Variants in THG1L observed in about 807,000 individuals in gnomAD.
The protein encoded by THG1L is probable tRNA(His) guanylyltransferase.
In THG1L, 27 loss-of-function variants were observed where a neutral mutation model predicts 35.2. That is an observed-to-expected ratio of 0.77 (90% CI 0.57 to 1.06). The LOEUF is 1.06. Ranked by LOEUF, THG1L falls within the 50% of genes least tolerant of loss-of-function variation. The pLI is 0.00. For synonymous variants in THG1L, 135 were observed against 132.4 expected, an observed-to-expected ratio of 1.02 and a Z score of -0.14; for missense variants, 377 against 371.8, an observed-to-expected ratio of 1.01 and a Z score of -0.12.
chr5:157,731,719 A>T (rs1455137125), intron 1 of THG1L, 88 bp downstream of exon 1: 5 of 1,483,952 alleles, frequency 3.4e-6, no homozygotes, highest in Non-Finnish European at 3.6e-6. Context: ...CGCCCGCTCC[A>T]GTCACGGTTA....
At chr5:157,735,681 C>T (rs191632878) in intron 3 of THG1L, among the ~76,000 whole-genome samples, 165 bp from the exon 4 acceptor site, 1 of 152,322 alleles carries the variant, frequency 6.6e-6, no homozygotes, top group African/African-American at 2.4e-5. Context: ...CCTACTGCTC[C>T]TTCCCTCCAT....
Position 157,734,741 on chromosome 5 carries a change from A to G in THG1L, c.534A>G (p.Ala178=). The change falls in exon 3 of 6, where the codon GCA becomes GCG. Residue 178 remains alanine, a synonymous_variant. Coordinates refer to ENST00000231198, the MANE Select transcript of THG1L (RefSeq NM_017872.5). ...AGGACTACCTCAGCTGGCGACAAGC[A>G]GATTGTGAGTGGCACCAAATAAACA... ...TLKDYLSWRQ[A]DCHINNLYNT... The G allele has an allele frequency of 1.2e-6, 2 of 1,614,172 alleles. No homozygotes were observed. Among genetic ancestry groups the G allele is most frequent in the Admixed American group, 1.7e-5 (1 of 60,022 alleles).
chr5:157,734,478 G>A (rs1760814754), intron 2 of THG1L, 98 bp from the exon 3 acceptor site: 4 of 1,408,244 alleles, frequency 2.8e-6, no homozygotes, highest in Non-Finnish European at 3.9e-6. Context: ...GGCAGTTTGT[G>A]TACTCTCTGT....
chr5:157,737,745 A>T, intron 4 of THG1L, 142 bp from the exon 5 acceptor site: 1 of 617,476 alleles, frequency 1.6e-6, no homozygotes, highest in African/African-American at 1.9e-5. Context: ...TTAAGATGAA[A>T]ATTTACTAAT....
chr5:157,737,935 A>G lies in THG1L; in HGVS notation c.676A>G (p.Ile226Val), dbSNP rs746408702. 1 of 1,613,512 alleles carries G rather than the reference A, an allele frequency of 6.2e-7. No individual in the cohort carries two copies. The highest frequency in any genetic ancestry group is 8.5e-7 in the Non-Finnish European group (1 of 1,179,752). The change falls in exon 5 of 6, where the codon ATC becomes GTC. Residue 226 changes from isoleucine to valine, a missense_variant. Coordinates refer to ENST00000231198, the MANE Select transcript of THG1L (RefSeq NM_017872.5). ...TGAGATTTTGTTTTCTGAATTCAAC[A>G]TCAACTATAATAATGAGCTGCCGAT... Reference protein sequence around the residue: ...KNEILFSEFNINYNNELPMYR... With the variant: ...KNEILFSEFNVNYNNELPMYR...
chr5:157,735,037 A>G (rs1222827226), intron 3 of THG1L, among the ~76,000 whole-genome samples: 1 of 151,134 alleles, frequency 6.6e-6, no homozygotes, highest in African/African-American at 2.4e-5. Flanking sequence ...TCCTGGGTTC[A>G]TGGGATTCTT....
At position 157,735,868 on chromosome 5, in the gene THG1L, T is replaced by C. The variant is rs369299694; in HGVS notation, c.561T>C (p.Asn187=). ...CAGGTCACATCAATAATCTTTATAATACAGTTTTCTGGGCACTTATACAAC... is the reference window on the plus strand; with the variant it reads ...CAGGTCACATCAATAATCTTTATAACACAGTTTTCTGGGCACTTATACAAC... ...QADCHINNLY[N]TVFWALIQQS... is the part of the protein sequence containing the mutation. Residue 187 remains asparagine, a synonymous_variant, in exon 4 of 6, where the codon AAT becomes AAC. Coordinates refer to ENST00000231198, the MANE Select transcript of THG1L (RefSeq NM_017872.5). 5.7e-5 allele frequency: 92 copies of C among 1,605,134 alleles called. No individual in the cohort carries two copies. The highest frequency in any genetic ancestry group is 7.4e-5 in the Non-Finnish European group (87 of 1,176,672).
Position 157,739,503 on chromosome 5 carries a change from G to A in THG1L, c.*21G>A, listed in dbSNP as rs1357737611. ...GCTGACCCTTTTGCGCTTCAGTTCT[G>A]GTGTGCTTAACCATGCAAGCCCTCC... On this transcript the variant is annotated 3_prime_UTR_variant, in exon 6 of 6. Coordinates refer to ENST00000231198, the MANE Select transcript of THG1L (RefSeq NM_017872.5). The A allele has an allele frequency of 1.2e-6, 2 of 1,605,686 alleles. No individual in the cohort carries two copies. Among genetic ancestry groups the A allele is most frequent in the South Asian group, 2.2e-5 (2 of 89,518 alleles).
rs1349964574 is a variant in THG1L, at chr5:157,735,902, C to G, written c.595C>G (p.Leu199Val). ...CTGGGCACTTATACAACAATCTGGA[C>G]TAACACCAGTACAAGCCCAAGGGAG... ...VFWALIQQSG[L>V]TPVQAQGRLQ... The change falls in exon 4 of 6, where the codon CTA becomes GTA. Residue 199 changes from leucine to valine, a missense_variant. Physicochemically the swap from Leu to Val is conservative, Grantham distance 32 (BLOSUM62 1). Transcript: ENST00000231198. 6.2e-7 allele frequency: 1 copy of G among 1,608,034 alleles called. No individual in the cohort carries two copies. Among genetic ancestry groups the G allele is most frequent in the Admixed American group, 1.7e-5 (1 of 58,488 alleles).
chr5:157,732,156 C>G (rs1581436892), intron 1 of THG1L, among the ~76,000 whole-genome samples: 1 of 122,796 alleles, frequency 8.1e-6, no homozygotes, highest in Non-Finnish European at 1.6e-5. Flanking sequence ...AGTTGGAGAC[C>G]AAGTTTTTGT....
In THG1L at chr5:157,734,886, A is replaced by G. The variant is rs537821279; in HGVS notation, c.538+141A>G. Reference sequence around the variant, plus strand: ...AATGCAGTATTTAAATATTTTTTCAATTAGTTAAAAGTATTTGAAAAATTA... The same window carrying G: ...AATGCAGTATTTAAATATTTTTTCAGTTAGTTAAAAGTATTTGAAAAATTA... On this transcript the variant is annotated intron_variant, in intron 3 of 5. Transcript: ENST00000231198. 9.9e-5 allele frequency: 93 copies of G among 943,892 alleles called. 1 individual carries two copies. The South Asian group carries it at 2.0e-3, about 21-fold the overall frequency. 58.5% of individuals were successfully genotyped at this position (943,892 alleles called of 1,614,324 possible).
chr5:157,732,951 A>T lies in THG1L; in HGVS notation c.275A>T (p.Glu92Val), dbSNP rs1349740875. 1.2e-6 allele frequency: 2 copies of T among 1,614,122 alleles called. No homozygotes were observed. Among genetic ancestry groups the T allele is most frequent in the Non-Finnish European group, 1.7e-6 (2 of 1,180,054 alleles). ...ACCAAATGTGCGCAGACTGTGATGG[A>T]AGAACTAGAGGATATTGTGATCGCG... is the stretch of plus-strand genomic sequence containing the variant. ...LMTKCAQTVM[E>V]ELEDIVIAYG... Residue 92 changes from glutamate to valine, a missense_variant, in exon 2 of 6, where the codon GAA becomes GTA. Coordinates refer to ENST00000231198, the MANE Select transcript of THG1L (RefSeq NM_017872.5).
chr5:157,735,821 C>T lies in THG1L; in HGVS notation c.539-25C>T, dbSNP rs781627342. 2.7e-6 allele frequency: 4 copies of T among 1,456,170 alleles called. No homozygotes were observed. In the South Asian group the frequency reaches 3.6e-5, roughly 13 times the overall value. The allele number at this position is 1,456,170 out of a possible 1,614,324, so 90.2% of individuals were successfully genotyped here. ...TCAATAAAGATTTTATGTATATAAA[C>T]ATTACTATTTTGTTCTCCTCACAGG... On this transcript the variant is annotated intron_variant, in intron 3 of 5. Transcript: ENST00000231198.
rs142163395 is a variant in THG1L at position 157,731,548 on chromosome 5, G to C, written c.108G>C (p.Glu36Asp). Residue 36 changes from glutamate (E) to aspartate (D), a missense_variant, in exon 1 of 6, where the codon GAG (glutamate) becomes GAC (aspartate). Physicochemically the swap from Glu to Asp is conservative, Grantham distance 45. Coordinates refer to ENST00000231198, the MANE Select transcript of THG1L (RefSeq NM_017872.5). ...CGACCATGGCAAAAAGCAAGTTCGA[G>C]TACGTGAGGGACTTCGAGGCTGACG... ...LGATMAKSKF[E>D]YVRDFEADDT... is the part of the protein sequence containing the mutation. The C allele has an allele frequency of 1.9e-5, 30 of 1,612,658 alleles. No homozygotes were observed. In the African/African-American group the frequency reaches 3.2e-4, roughly 17 times the overall value.
chr5:157,735,717 G>A, intron 3 of THG1L, 129 bp from the exon 4 acceptor site: 1 of 635,598 alleles, frequency 1.6e-6, no homozygotes, highest in Non-Finnish European at 2.6e-6. Context: ...CTTCGGTCAA[G>A]TCACTGAATG....
Position 157,731,607 on chromosome 5 carries a change from G to T in THG1L, c.167G>T (p.Arg56Leu). ...TCLAHCWVVV[R>L]LDGRNFHRFA... ...CTGGCACACTGCTGGGTGGTAGTGC[G>T]GCTGGACGGCCGGAATTTCCATCGG... The change falls in exon 1 of 6, where the codon CGG (arginine) becomes CTG (leucine). Residue 56 changes from arginine (R) to leucine (L), a missense_variant. Arg to Leu is a moderately radical substitution (Grantham distance 102). Coordinates refer to ENST00000231198, the MANE Select transcript of THG1L (RefSeq NM_017872.5). 6.3e-7 allele frequency: 1 copy of T among 1,597,440 alleles called. No homozygotes were observed. The highest frequency in any genetic ancestry group is 8.5e-7 in the Non-Finnish European group (1 of 1,170,730).
rs1036065632 is a variant in THG1L, at chr5:157,741,403, T to A, written c.*1921T>A. 1.3e-5 allele frequency: 2 copies of A among 152,188 alleles called. No homozygotes were observed. Among genetic ancestry groups the A allele is most frequent in the African/African-American group, 4.8e-5 (2 of 41,438 alleles). 9.4% of individuals were successfully genotyped at this position (152,188 alleles called of 1,614,324 possible). A position where few individuals can be genotyped will look rare whatever the true frequency, so the allele number is the denominator to read the frequency against. On this transcript the variant is annotated 3_prime_UTR_variant, in exon 6 of 6. Transcript: ENST00000231198. The stretch of plus-strand genomic sequence containing the variant: ...AGGAGATACGGTTCTTGTTTGGTAA[T>A]TGCTAAAATCTCTTTGAGGAAAGAA...
At chr5:157,736,646 T>G (rs923704806) in intron 4 of THG1L, among the ~76,000 whole-genome samples, 2 of 152,248 alleles carry the variant, frequency 1.3e-5, no homozygotes, top group African/African-American at 4.8e-5. Context: ...GTTTATGACC[T>G]CTGTGTATAG....
rs1460990791 is a variant in THG1L at position 157,739,620 on chromosome 5, CAG to C, written c.*139_*140del. The C allele has an allele frequency of 6.7e-6, 7 of 1,044,028 alleles. No homozygotes were observed. The highest frequency in any genetic ancestry group is 9.5e-6 in the Non-Finnish European group (7 of 738,354). 64.7% of individuals were successfully genotyped at this position (1,044,028 alleles called of 1,614,324 possible). A position where few individuals can be genotyped will look rare whatever the true frequency, so the allele number is the denominator to read the frequency against. The stretch of plus-strand genomic sequence containing the variant: ...GACACAACTCAAGTTGGGAGGGGAA[CAG>C]GGAAGGAAGGGATGGATGGGGGTGG... On this transcript the variant is annotated 3_prime_UTR_variant, in exon 6 of 6. Coordinates refer to ENST00000231198, the MANE Select transcript of THG1L (RefSeq NM_017872.5).
Sources: gnomAD v4.1 joint callset for allele counts (sites outside exome capture counted in the v4.1 genomes callset) on GRCh38, gnomAD v4.1.1 for gene constraint, MANE v1.5 for transcripts, NCBI Gene and HGNC (gene_info 2026-07-23, HGNC 2026-07-21) for gene names.